The following LRRC4C variants were observed in gnomAD, a reference collection of about 807,000 sequenced individuals.
The protein encoded by LRRC4C is leucine-rich repeat-containing protein 4C.
Under a neutral mutation model 33.6 loss-of-function variants are expected in LRRC4C, and 5 were observed. The observed-to-expected ratio is 0.15, with a 90% CI of 0.08 to 0.31. LRRC4C has a LOEUF of 0.31. LRRC4C is among the 10% of genes least tolerant of loss of function. The probability of loss-of-function intolerance (pLI) is 1.00; values close to 1 mark genes in which losing one functional copy is unlikely to be tolerated. For missense variants in LRRC4C, 560 were observed against 796.7 expected (o/e 0.70, Z 3.58); for synonymous variants, 329 against 302.0 (o/e 1.09, Z -0.93).
intron 1 of LRRC4C, among the ~76,000 whole-genome samples, chr11:41,160,393 A>G (rs889824008): frequency 6.6e-6 from 1 of 151,928 alleles, no homozygotes; most frequent in African/African-American, 2.4e-5. Flanking sequence ...AAAAAAAAAA[A>G]AAATACATAA....
At chr11:41,304,757 T>C (rs868116443) in intron 1 of LRRC4C, among the ~76,000 whole-genome samples, 79 of 39,928 alleles carry the variant, frequency 2.0e-3, no homozygotes, top group Admixed American at 3.9e-3. Flanking sequence ...CCGCCCCGTC[T>C]GGGAGGGAGG....
chr11:40,892,122 G>A lies in LRRC4C; in HGVS notation c.-407+41513C>T, dbSNP rs367856303. 7.6e-5 allele frequency among the ~76,000 whole-genome samples: 9 copies of A among 118,784 alleles called. No homozygotes were observed. In the East Asian group the frequency reaches 2.0e-3, roughly 26 times the overall value. The allele number at this position is 118,784 out of a possible 152,430, so 77.9% of individuals were successfully genotyped here. On this transcript the variant is annotated intron_variant, in intron 2 of 6. Transcript: ENST00000528697. ...TGCACTCCAGCCTGGGCGACAGTGC[G>A]AGATTGTGTCTCAAAAAAAAAAAAA...
chr11:40,617,508 T>C (rs1961981177), intron 3 of LRRC4C, among the ~76,000 whole-genome samples: 1 of 151,698 alleles, frequency 6.6e-6, no homozygotes, highest in African/African-American at 2.4e-5. Context: ...TTTCTGAGCC[T>C]AGTCCCTTAC....
intron 2 of LRRC4C, among the ~76,000 whole-genome samples, chr11:40,733,083 T>G (rs1164728301): frequency 7.6e-6 from 1 of 131,080 alleles, no homozygotes; most frequent in Non-Finnish European, 1.6e-5. Flanking sequence ...TTTTTTTTTT[T>G]TTTTTTTTTT....
intron 3 of LRRC4C, among the ~76,000 whole-genome samples, chr11:40,450,294 T>C (rs1951825288): frequency 1.3e-5 from 2 of 152,208 alleles, no homozygotes; most frequent in African/African-American, 4.8e-5. Context: ...ACATATTTTG[T>C]GTTTATGTGT....
At chr11:40,285,549 G>A (rs989357424) in intron 4 of LRRC4C, among the ~76,000 whole-genome samples, 24 of 152,078 alleles carry the variant, frequency 1.6e-4, no homozygotes, top group African/African-American at 5.8e-4. Context: ...ATAACATTTT[G>A]CAAAATCTTT....
At chr11:41,157,750 G>A (rs116589897) in intron 1 of LRRC4C, among the ~76,000 whole-genome samples, 12 of 151,784 alleles carry the variant, frequency 7.9e-5, no homozygotes, top group East Asian at 1.9e-4. Flanking sequence ...TAAGCTTTAC[G>A]TTTTTAATTT....
chr11:41,298,560 T>C (rs181861648), intron 1 of LRRC4C, among the ~76,000 whole-genome samples: 50 of 152,274 alleles, frequency 3.3e-4, no homozygotes, highest in Non-Finnish European at 5.0e-4. Context: ...TCTCTAAACG[T>C]AGGGCCTATG....
chr11:40,428,196 A>C (rs1308855976), intron 3 of LRRC4C, among the ~76,000 whole-genome samples: 1 of 152,058 alleles, frequency 6.6e-6, no homozygotes, highest in African/African-American at 2.4e-5. Context: ...TTATATTCCT[A>C]CTCAAAGGAT....
intron 2 of LRRC4C, among the ~76,000 whole-genome samples, chr11:40,933,299 A>G (rs1192387035): frequency 6.6e-6 from 1 of 152,222 alleles, no homozygotes; most frequent in African/African-American, 2.4e-5. Context: ...CTCAAGGAGA[A>G]ATGGAGCCCT....
chr11:40,985,381 A>G (rs1030686379), intron 1 of LRRC4C, among the ~76,000 whole-genome samples: 1 of 151,932 alleles, frequency 6.6e-6, no homozygotes, highest in Non-Finnish European at 1.5e-5. Context: ...GGGGAAAAGT[A>G]CCTTATCATA....
At chr11:40,452,576 G>C (rs1485581788) in intron 3 of LRRC4C, among the ~76,000 whole-genome samples, 1 of 152,180 alleles carries the variant, frequency 6.6e-6, no homozygotes, top group Non-Finnish European at 1.5e-5. Context: ...CTTTTACACT[G>C]TTGGTGGGAC....
At chr11:40,346,063 G>A (rs1044140564) in intron 3 of LRRC4C, among the ~76,000 whole-genome samples, 2 of 152,174 alleles carry the variant, frequency 1.3e-5, no homozygotes, top group Admixed American at 1.3e-4. Context: ...ATGCTGGCAA[G>A]GTTGTGGAGA....
intron 1 of LRRC4C, among the ~76,000 whole-genome samples, chr11:41,342,017 C>A (rs1356091755): frequency 2.0e-5 from 3 of 151,402 alleles, no homozygotes; most frequent in African/African-American, 7.3e-5. Context: ...TTTTCATGAA[C>A]CTCACCCCTG....
chr11:40,199,925 G>A (rs1245682530), intron 5 of LRRC4C, among the ~76,000 whole-genome samples: 1 of 152,036 alleles, frequency 6.6e-6, no homozygotes, highest in African/African-American at 2.4e-5. Flanking sequence ...CAAACTTGGA[G>A]AGGATAATTG....
At chr11:40,995,946 T>G (rs532803190) in intron 1 of LRRC4C, among the ~76,000 whole-genome samples, 206 of 152,316 alleles carry the variant, frequency 1.4e-3, no homozygotes, top group Non-Finnish European at 2.3e-3. Context: ...CAAATGAAAG[T>G]CTACTCTAAT....
At chr11:41,082,961 T>C (rs1442401488) in intron 1 of LRRC4C, among the ~76,000 whole-genome samples, 4 of 152,110 alleles carry the variant, frequency 2.6e-5, no homozygotes, top group Non-Finnish European at 5.9e-5. Flanking sequence ...TGATAAATTA[T>C]ATGTTTTTCC....
At chr11:41,327,030 G>GT (rs1275542966) in intron 1 of LRRC4C, among the ~76,000 whole-genome samples, 3 of 152,126 alleles carry the variant, frequency 2.0e-5, no homozygotes, top group Non-Finnish European at 4.4e-5. Context: ...GCCGAGTCCA[G>GT]TAACTATTTG....
chr11:41,030,784 T>C (rs192208674), intron 1 of LRRC4C, among the ~76,000 whole-genome samples: 15 of 151,788 alleles, frequency 9.9e-5, no homozygotes, highest in African/African-American at 3.6e-4. Flanking sequence ...TATAAATCTG[T>C]GGGGCACTGT....
Sources: gnomAD v4.1 joint callset for allele counts (sites outside exome capture counted in the v4.1 genomes callset) on GRCh38, gnomAD v4.1.1 for gene constraint, MANE v1.5 for transcripts, NCBI Gene and HGNC (gene_info 2026-07-23, HGNC 2026-07-21) for gene names.